LMF1: variants seen among roughly 807,000 people sequenced by gnomAD.
The protein encoded by LMF1 is transmembrane protein 112.
In LMF1, 68 loss-of-function variants were observed where a neutral mutation model predicts 60.6. The ratio of observed to expected loss-of-function variants is 1.12; its 90% CI spans 0.92 to 1.37. The LOEUF is 1.37. LMF1 is among the 40% of genes most tolerant of loss of function. LMF1 has a pLI of 0.00. For synonymous variants in LMF1, 418 were observed against 324.7 expected (o/e 1.29, Z -3.09); for missense variants, 948 against 767.2 (o/e 1.24, Z -2.78).
chr16:912,296 G>C (rs545595977), intron 3 of LMF1, among the ~76,000 whole-genome samples: 7 of 152,090 alleles, frequency 4.6e-5, no homozygotes, highest in South Asian at 2.1e-4. Context: ...GGAGGCTTGT[G>C]GGGGCAGTGT....
intron 3 of LMF1, among the ~76,000 whole-genome samples, chr16:926,638 C>G (rs1395556926): frequency 6.6e-6 from 1 of 152,208 alleles, no homozygotes; most frequent in African/African-American, 2.4e-5. Flanking sequence ...GAAGACTACC[C>G]TAAAAACAAG....
At chr16:888,627 G>T (rs1035337799) in intron 5 of LMF1, among the ~76,000 whole-genome samples, 3 of 152,220 alleles carry the variant, frequency 2.0e-5, no homozygotes, top group African/African-American at 7.2e-5. Flanking sequence ...CAACCGCTCC[G>T]ATGTGGGGAC....
At chr16:871,029 G>A in intron 7 of LMF1, 132 bp downstream of exon 7, 1 of 1,391,508 alleles carries the variant, frequency 7.2e-7, no homozygotes, top group Admixed American at 2.3e-5. Flanking sequence ...CTTGTTCCTG[G>A]CACGCTACAC....
intron 1 of LMF1, among the ~76,000 whole-genome samples, chr16:964,593 G>A (rs900292024): frequency 1.3e-5 from 2 of 152,088 alleles, no homozygotes; most frequent in African/African-American, 2.4e-5. Context: ...CAAGTGGCCC[G>A]GAGAAAAGAA....
intron 4 of LMF1, chr16:904,167 C>G (rs1434992369): frequency 9.7e-5 from 10 of 102,994 alleles, no homozygotes; most frequent in Admixed American, 9.4e-4. Flanking sequence ...CTCTGCATCG[C>G]CCACAGGACG....
intron 3 of LMF1, among the ~76,000 whole-genome samples, chr16:912,849 C>T (rs766047751): frequency 4.3e-4 from 66 of 152,350 alleles, no homozygotes; most frequent in East Asian, 1.9e-4. Context: ...CATTGTTCTC[C>T]GCCTCAGCGT....
At chr16:909,874 C>A (rs903507905) in intron 4 of LMF1, among the ~76,000 whole-genome samples, 36 of 152,272 alleles carry the variant, frequency 2.4e-4, no homozygotes, top group African/African-American at 7.7e-4. Context: ...GACGGCGGCA[C>A]ACTCTGGCCG....
intron 1 of LMF1, among the ~76,000 whole-genome samples, chr16:977,921 T>TACCACACAC: frequency 2.0e-5 from 1 of 48,906 alleles, no homozygotes; most frequent in African/African-American, 1.5e-4. Context: ...ACCACACACA[T>TACCACACAC]ACCACACACA....
intron 6 of LMF1, among the ~76,000 whole-genome samples, chr16:877,191 G>A (rs768953291): frequency 3.3e-5 from 5 of 152,288 alleles, no homozygotes; most frequent in African/African-American, 9.6e-5. Context: ...ATAGCTCGGC[G>A]TGGTGGCACC....
chr16:935,440 C>T (rs117240179), intron 2 of LMF1, among the ~76,000 whole-genome samples: 1 of 152,204 alleles, frequency 6.6e-6, no homozygotes, highest in Non-Finnish European at 1.5e-5. Context: ...TGAATATGTA[C>T]GCTGACTTGT....
intron 1 of LMF1, among the ~76,000 whole-genome samples, chr16:966,015 G>A (rs1031514930): frequency 2.6e-5 from 4 of 152,194 alleles, no homozygotes; most frequent in African/African-American, 9.7e-5. Context: ...AGGAAGCAGA[G>A]AGCAGGGCTC....
chr16:953,249 ACACC>A (rs1177579293), intron 2 of LMF1, among the ~76,000 whole-genome samples: 50 of 70,680 alleles, frequency 7.1e-4, no homozygotes, highest in Non-Finnish European at 9.4e-4. Context: ...GTCCACACAG[ACACC>A]CACCCCAAAC....
At chr16:887,509 G>A (rs2070344673) in intron 5 of LMF1, among the ~76,000 whole-genome samples, 1 of 152,208 alleles carries the variant, frequency 6.6e-6, no homozygotes, top group Non-Finnish European at 1.5e-5. Flanking sequence ...CGAGGCTTCT[G>A]TCAGCAAGGC....
chr16:931,919 TTAGA>T, intron 3 of LMF1: 1 of 762,250 alleles, frequency 1.3e-6, no homozygotes, highest in Non-Finnish European at 1.9e-6. Flanking sequence ...GAAGAATCAG[TTAGA>T]ATGTATGACG....
At chr16:858,795 G>T (rs1469506912) in intron 10 of LMF1, among the ~76,000 whole-genome samples, 22 of 100,942 alleles carry the variant, frequency 2.2e-4, no homozygotes, top group Non-Finnish European at 3.8e-4. Context: ...CACGGGACGG[G>T]TGTGAGTGGT....
chr16:858,109 TCGGGATGGGTGTGAGTGGTGTCA>T (rs2069265808), intron 10 of LMF1, among the ~76,000 whole-genome samples: 2 of 19,810 alleles, frequency 1.0e-4, no homozygotes, highest in Non-Finnish European at 1.7e-4. Context: ...GAGTGGTGTC[TCGGGATGGGTGTGAGTGGTGTCA>T]CGGGATGGGT....
At chr16:887,553 C>T (rs923756520) in intron 5 of LMF1, among the ~76,000 whole-genome samples, 15 of 152,136 alleles carry the variant, frequency 9.9e-5, no homozygotes, top group Non-Finnish European at 1.0e-4. Flanking sequence ...CCCTGGGGGG[C>T]GTCCACAGCA....
chr16:929,898 C>T (rs1038886073), intron 3 of LMF1, among the ~76,000 whole-genome samples: 5 of 151,064 alleles, frequency 3.3e-5, no homozygotes, highest in African/African-American at 4.9e-5. Flanking sequence ...CAGCAGTGGT[C>T]GTGTACGTGT....
At chr16:979,106 A>C (rs1456405119) in intron 1 of LMF1, 1 of 453,658 alleles carries the variant, frequency 2.2e-6, no homozygotes, top group Admixed American at 2.4e-5. Context: ...TGTGTGGGAA[A>C]GTGCCTGGCA....
Sources: allele counts gnomAD v4.1 joint callset (sites outside exome capture counted in the v4.1 genomes callset), GRCh38; gene constraint gnomAD v4.1.1; transcripts MANE v1.5; gene names NCBI Gene and HGNC (gene_info 2026-07-23, HGNC 2026-07-21).